The following HLCS variants were observed in gnomAD, a reference collection of about 807,000 sequenced individuals.
HLCS encodes biotin--protein ligase.
Under a neutral mutation model 75.0 loss-of-function variants are expected in HLCS, and 53 were observed. The observed-to-expected ratio is 0.71, with a 90% confidence interval of 0.57 to 0.89. The LOEUF is 0.89. Ranked by LOEUF, HLCS falls within the 40% of genes least tolerant of loss-of-function variation. The pLI is 0.00. For synonymous variants in HLCS, 431 were observed against 428.6 expected (o/e 1.01, Z -0.07); for missense variants, 966 against 1,074.0 (o/e 0.90, Z 1.41).
At chr21:36,968,828 C>T (rs2068710130), upstream of HLCS, 1 of 152,230 alleles carries the variant, frequency 6.6e-6, no homozygotes, top group Non-Finnish European at 1.5e-5. Flanking sequence ...GTCATCTCCT[C>T]TATCTGAAGG....
chr21:36,893,360 C>T (rs2064872934), intron 6 of HLCS, among the ~76,000 whole-genome samples: 2 of 152,164 alleles, frequency 1.3e-5, no homozygotes, highest in African/African-American at 4.8e-5. Context: ...GTGTGAGCCA[C>T]CGCGCCTGGC....
intron 6 of HLCS, among the ~76,000 whole-genome samples, chr21:36,871,139 G>A (rs2146230366): frequency 6.6e-6 from 1 of 152,322 alleles, no homozygotes; most frequent in Admixed American, 6.5e-5. Flanking sequence ...ACAGCAGGCT[G>A]CATGATATGA....
At chr21:36,988,830 C>T (rs190335196) in intron 1 of HLCS, among the ~76,000 whole-genome samples, 1 of 152,184 alleles carries the variant, frequency 6.6e-6, no homozygotes, top group Admixed American at 6.5e-5. Context: ...AGTTTTATGT[C>T]ATTTTTGTGC....
At position 36,944,067 on chromosome 21, in the gene HLCS, G is replaced by C. The variant is rs967921110; in HGVS notation, c.331-5073C>G. On this transcript the variant is annotated intron_variant, in intron 2 of 10. Transcript: ENST00000674895. ...GCTTCTAGACACTTCAGAATCCCAA[G>C]TTCATTCTCCAAGCTTCCATTTTAA... 9.9e-5 allele frequency: 15 copies of C among 152,250 alleles called. 1 individual carries two copies. Among genetic ancestry groups the C allele is most frequent in the Admixed American group, 9.8e-4 (15 of 15,286 alleles). The allele number at this position is 152,250 out of a possible 1,614,324, so 9.4% of individuals were successfully genotyped here. A position where few individuals can be genotyped will look rare whatever the true frequency, so the allele number is the denominator to read the frequency against.
intron 10 of HLCS, 77 bp from the exon 11 acceptor site, chr21:36,754,494 A>G (rs2089482914): frequency 3.4e-6 from 5 of 1,460,922 alleles, no homozygotes; most frequent in Admixed American, 1.9e-5. Context: ...AGAATAATCC[A>G]TGATGAGAGA....
chr21:36,868,171 G>T, intron 6 of HLCS, among the ~76,000 whole-genome samples: 1 of 147,644 alleles, frequency 6.8e-6, no homozygotes, highest in Non-Finnish European at 1.5e-5. Flanking sequence ...AAAAAGGGAA[G>T]GGAAAAGGGA....
chr21:36,973,227 C>CTTT (rs11327894), intron 1 of HLCS, among the ~76,000 whole-genome samples: 48 of 91,036 alleles, frequency 5.3e-4, no homozygotes, highest in African/African-American at 8.0e-4. Flanking sequence ...AAGACCCTGT[C>CTTT]TTTTTTTTTT....
At chr21:36,983,220 T>G (rs2069158604) in intron 1 of HLCS, among the ~76,000 whole-genome samples, 1 of 151,952 alleles carries the variant, frequency 6.6e-6, no homozygotes, top group Non-Finnish European at 1.5e-5. Context: ...GTTTATTTAT[T>G]TATTTAATGA....
intron 4 of HLCS, among the ~76,000 whole-genome samples, chr21:36,931,282 G>GA (rs1854424747): frequency 3.5e-5 from 1 of 28,692 alleles, no homozygotes; most frequent in Non-Finnish European, 5.8e-5. Flanking sequence ...AAACTCCATC[G>GA]CAAAAAAAAA....
In HLCS at chr21:36,772,638, C is replaced by CAAAA. The variant is rs34788426; in HGVS notation, c.1893-5357_1893-5354dup. Among the ~76,000 whole-genome samples, 79 of 80,810 alleles carry CAAAA rather than the reference C, an allele frequency of 9.8e-4. 1 individual carries two copies. The highest frequency in any genetic ancestry group is 1.5e-3 in the Admixed American group (11 of 7,200). 53.0% of individuals were successfully genotyped at this position (80,810 alleles called of 152,430 possible). ...TGGGCAACAGAGCAAGACACTGTCTCAAAAAAAAAAAAAAAAAAAAAGAAG... is the reference window on the plus strand; with the variant it reads ...TGGGCAACAGAGCAAGACACTGTCTCAAAAAAAAAAAAAAAAAAAAAAAAAGAAG... On this transcript the variant is annotated intron_variant, in intron 6 of 10. Coordinates refer to ENST00000674895, the MANE Select transcript of HLCS (RefSeq NM_001352514.2).
intron 6 of HLCS, among the ~76,000 whole-genome samples, chr21:36,872,014 A>G (rs910710139): frequency 6.6e-5 from 10 of 152,222 alleles, no homozygotes; most frequent in Non-Finnish European, 1.3e-4. Flanking sequence ...GTAGAGGACC[A>G]CCTACCATTA....
At chr21:36,976,595 C>CAAT (rs1013596279) in intron 1 of HLCS, among the ~76,000 whole-genome samples, 10 of 151,954 alleles carry the variant, frequency 6.6e-5, no homozygotes, top group Admixed American at 2.0e-4. Context: ...AAATAAATAA[C>CAAT]AATAATAATA....
At chr21:36,892,486 A>G (rs944841714) in intron 6 of HLCS, among the ~76,000 whole-genome samples, 1 of 152,248 alleles carries the variant, frequency 6.6e-6, no homozygotes, top group East Asian at 1.9e-4. Context: ...ACAGATTGCA[A>G]GACCTCAACA....
chr21:36,818,135 T>TA (rs1409389643), intron 6 of HLCS, among the ~76,000 whole-genome samples: 2 of 152,164 alleles, frequency 1.3e-5, no homozygotes, highest in Non-Finnish European at 2.9e-5. Flanking sequence ...CTAATGCTTC[T>TA]AGCCATTCAA....
chr21:36,956,120 T>C (rs1054795448), intron 2 of HLCS, among the ~76,000 whole-genome samples: 1 of 152,164 alleles, frequency 6.6e-6, no homozygotes, highest in Non-Finnish European at 1.5e-5. Context: ...TTAACTATAA[T>C]GTATACGAAT....
intron 6 of HLCS, among the ~76,000 whole-genome samples, chr21:36,800,705 C>T (rs182082403): frequency 1.6e-4 from 24 of 152,190 alleles, no homozygotes; most frequent in East Asian, 1.2e-3. Context: ...TAATACTACG[C>T]GATATTCTCT....
intron 6 of HLCS, among the ~76,000 whole-genome samples, chr21:36,872,028 T>A (rs2063786897): frequency 1.3e-5 from 2 of 152,208 alleles, no homozygotes; most frequent in Admixed American, 1.3e-4. Flanking sequence ...ACCATTAACA[T>A]TTTCTTATAC....
chr21:36,920,976 G>T (rs1208677529), intron 5 of HLCS, among the ~76,000 whole-genome samples: 2 of 151,642 alleles, frequency 1.3e-5, no homozygotes, highest in Non-Finnish European at 2.9e-5. Flanking sequence ...CTTTTAAAAG[G>T]TGTATTTTCT....
chr21:36,908,630 T>C (rs1360436869), intron 5 of HLCS, among the ~76,000 whole-genome samples: 5 of 152,134 alleles, frequency 3.3e-5, no homozygotes, highest in African/African-American at 1.2e-4. Flanking sequence ...TGGATGTTCA[T>C]AGCAGCTTTA....
Sources: gnomAD v4.1 joint callset for allele counts (sites outside exome capture counted in the v4.1 genomes callset) on GRCh38, gnomAD v4.1.1 for gene constraint, MANE v1.5 for transcripts, NCBI Gene and HGNC (gene_info 2026-07-23, HGNC 2026-07-21) for gene names.